Variants in MARCHF1 observed in about 807,000 individuals in gnomAD.
MARCHF1 encodes the protein E3 ubiquitin-protein ligase MARCHF1.
MARCHF1 carries 40 observed loss-of-function variants against 54.2 expected under a neutral mutation model. That is an observed-to-expected ratio of 0.74 (90% CI 0.57 to 0.96). The LOEUF (loss-of-function observed/expected upper bound fraction) is 0.96. Among genes scored for constraint, MARCHF1 ranks in the 40% least tolerant of loss-of-function variants. MARCHF1 has a pLI of 0.00. For missense variants in MARCHF1, 586 were observed against 656.5 expected (o/e 0.89, Z 1.17); for synonymous variants, 236 against 236.3 (o/e 1.00, Z 0.01).
chr4:163,778,569 A>AT (rs892901009), intron 4 of MARCHF1, among the ~76,000 whole-genome samples: 38 of 151,896 alleles, frequency 2.5e-4, no homozygotes, highest in Admixed American at 2.3e-3. Context: ...TTCTTACACT[A>AT]TTTTTTTTAA....
chr4:164,233,090 A>G (rs1292963423), intron 1 of MARCHF1, among the ~76,000 whole-genome samples: 2 of 152,172 alleles, frequency 1.3e-5, no homozygotes, highest in African/African-American at 2.4e-5. Flanking sequence ...CTAAAGTAAT[A>G]CTTTTGGACT....
At chr4:163,805,378 A>AC (rs925526162) in intron 4 of MARCHF1, among the ~76,000 whole-genome samples, 1 of 152,016 alleles carries the variant, frequency 6.6e-6, no homozygotes, top group African/African-American at 2.4e-5. Flanking sequence ...TCTAAAAAAA[A>AC]AACATTCAAC....
chr4:163,881,608 T>C (rs1214624092), intron 3 of MARCHF1, among the ~76,000 whole-genome samples: 1 of 152,050 alleles, frequency 6.6e-6, no homozygotes, highest in African/African-American at 2.4e-5. Context: ...AATAATTGAA[T>C]GTATAATAGT....
At chr4:163,590,585 C>G (rs867383110) in intron 7 of MARCHF1, among the ~76,000 whole-genome samples, 3 of 152,018 alleles carry the variant, frequency 2.0e-5, no homozygotes, top group Admixed American at 6.6e-5. Flanking sequence ...TCATATAAAC[C>G]CAAATTGCTT....
At chr4:163,601,401 CTTT>C (rs35012983) in intron 7 of MARCHF1, among the ~76,000 whole-genome samples, 4 of 149,614 alleles carry the variant, frequency 2.7e-5, no homozygotes, top group Non-Finnish European at 4.4e-5. Flanking sequence ...GAAAGTGTTG[CTTT>C]TTTTTTTTTA....
intron 4 of MARCHF1, among the ~76,000 whole-genome samples, chr4:163,713,852 T>C (rs1278951076): frequency 6.6e-6 from 1 of 152,184 alleles, no homozygotes; most frequent in Non-Finnish European, 1.5e-5. Context: ...TGAACCTTGG[T>C]CACTTCTCGA....
At chr4:163,659,713 A>G (rs1215788857) in intron 5 of MARCHF1, among the ~76,000 whole-genome samples, 1 of 152,106 alleles carries the variant, frequency 6.6e-6, no homozygotes, top group Non-Finnish European at 1.5e-5. Flanking sequence ...ACAAGAAAAA[A>G]AAAACCCCAT....
intron 3 of MARCHF1, among the ~76,000 whole-genome samples, chr4:163,918,271 T>C (rs1025672562): frequency 2.6e-5 from 4 of 152,132 alleles, no homozygotes; most frequent in Non-Finnish European, 5.9e-5. Context: ...TTTTCTTCTT[T>C]TGAGTTGCAA....
At chr4:164,222,737 T>C (rs538555832) in intron 1 of MARCHF1, among the ~76,000 whole-genome samples, 33 of 152,170 alleles carry the variant, frequency 2.2e-4, no homozygotes, top group African/African-American at 7.7e-4. Flanking sequence ...ATGGTAGTTT[T>C]AGAAATAATG....
chr4:163,550,692 T>A (rs956454324), intron 8 of MARCHF1, among the ~76,000 whole-genome samples: 1 of 152,222 alleles, frequency 6.6e-6, no homozygotes. Flanking sequence ...GTAAAGGTTA[T>A]CACATTATTT....
At chr4:164,321,240 G>A (rs1485696678) in intron 1 of MARCHF1, among the ~76,000 whole-genome samples, 1 of 152,078 alleles carries the variant, frequency 6.6e-6, no homozygotes, top group Non-Finnish European at 1.5e-5. Context: ...AATACCTGAA[G>A]CAATTACAAG....
At chr4:163,772,769 C>CTTTTAAAA (rs57632144) in intron 4 of MARCHF1, among the ~76,000 whole-genome samples, 2 of 152,104 alleles carry the variant, frequency 1.3e-5, no homozygotes, top group African/African-American at 4.8e-5. Flanking sequence ...ACCCCCCTTT[C>CTTTTAAAA]TCATCTCAGC....
intron 3 of MARCHF1, among the ~76,000 whole-genome samples, chr4:163,985,086 A>G (rs1397324213): frequency 1.3e-5 from 2 of 152,194 alleles, no homozygotes; most frequent in Non-Finnish European, 2.9e-5. Context: ...CAAACATTCC[A>G]TCACATATAT....
rs371086171 is a variant in MARCHF1, at chr4:164,224,545, T to G, written c.-322-112883A>C. Among the ~76,000 whole-genome samples, 14 of 152,154 alleles carry G rather than the reference T, an allele frequency of 9.2e-5. No individual in the cohort carries two copies. In the East Asian group the frequency reaches 2.7e-3, roughly 29 times the overall value. On this transcript the variant is annotated intron_variant, in intron 1 of 9. Coordinates refer to ENST00000514618, the MANE Select transcript of MARCHF1 (RefSeq NM_001394959.1). ...ATGTTCACAACCTCTGATCTAGTAG[T>G]CTATGTCCTAATAATCTATTCTAAA...
At position 163,656,658 on chromosome 4, in the gene MARCHF1, T is replaced by C. The variant is rs79409495; in HGVS notation, c.163-43265A>G. Among the ~76,000 whole-genome samples, 702 of 152,092 alleles carry C rather than the reference T, an allele frequency of 4.6e-3. 5 individuals carry two copies. The highest frequency in any genetic ancestry group is 0.016 in the African/African-American group (680 of 41,524). Reference sequence around the variant, plus strand: ...TGAACATCGATGCAGAAATTCTCAGTAAAATACTAGCAAATAGAATCCAGC... The same window carrying C: ...TGAACATCGATGCAGAAATTCTCAGCAAAATACTAGCAAATAGAATCCAGC... On this transcript the variant is annotated intron_variant, in intron 5 of 9. Transcript: ENST00000514618.
At chr4:164,356,326 T>C (rs938772648) in intron 1 of MARCHF1, among the ~76,000 whole-genome samples, 1 of 141,156 alleles carries the variant, frequency 7.1e-6, no homozygotes, top group Non-Finnish European at 1.6e-5. Context: ...GGTATGTTTA[T>C]TGTGGCATTA....
At chr4:163,712,486 C>G (rs1745133907) in intron 4 of MARCHF1, among the ~76,000 whole-genome samples, 1 of 152,112 alleles carries the variant, frequency 6.6e-6, no homozygotes, top group South Asian at 2.1e-4. Context: ...GGTTGGTAAT[C>G]CATCCTTCAT....
intron 3 of MARCHF1, among the ~76,000 whole-genome samples, chr4:163,873,314 G>T (rs111525429): frequency 1.3e-5 from 2 of 152,188 alleles, no homozygotes; most frequent in African/African-American, 4.8e-5. Flanking sequence ...ATTCAAAATG[G>T]AAAGTCTTTT....
intron 2 of MARCHF1, among the ~76,000 whole-genome samples, chr4:164,033,099 G>A (rs1433944472): frequency 1.1e-4 from 16 of 151,658 alleles, no homozygotes; most frequent in African/African-American, 2.2e-4. Context: ...GTTTGAACCC[G>A]GGAGGCAGAG....
Sources: gnomAD v4.1 joint callset for allele counts (sites outside exome capture counted in the v4.1 genomes callset) on GRCh38, gnomAD v4.1.1 for gene constraint, MANE v1.5 for transcripts, NCBI Gene and HGNC (gene_info 2026-07-23, HGNC 2026-07-21) for gene names.